Variants in CFAP221 observed in about 807,000 individuals in gnomAD.
CFAP221 encodes the protein cilia- and flagella-associated protein 221.
Under a neutral mutation model 113.1 loss-of-function variants are expected in CFAP221, and 97 were observed. That is an observed-to-expected ratio of 0.86 (90% confidence interval 0.73 to 1.02). CFAP221 has a LOEUF of 1.02. Ranked by LOEUF, CFAP221 falls within the 50% of genes least tolerant of loss-of-function variation. The pLI is 0.00. For missense variants in CFAP221, 1,025 were observed against 1,013.4 expected (o/e 1.01, Z -0.16); for synonymous variants, 331 against 354.4 (o/e 0.93, Z 0.74).
At chr2:119,652,159 T>A in intron 23 of CFAP221, 90 bp downstream of exon 23, 1 of 928,996 alleles carries the variant, frequency 1.1e-6, no homozygotes, top group Non-Finnish European at 1.6e-6. Flanking sequence ...TGTCTGAGTC[T>A]AAATAGCTCA....
intron 3 of CFAP221, 134 bp downstream of exon 3, chr2:119,549,319 T>TCATCTCTC (rs1680265511): frequency 4.4e-6 from 3 of 676,696 alleles, no homozygotes; most frequent in Middle Eastern, 7.8e-4. Flanking sequence ...AGAAAGGTAG[T>TCATCTCTC]TCTATGATGA....
At chr2:119,597,933 C>G (rs1166046194) in intron 7 of CFAP221, among the ~76,000 whole-genome samples, 1 of 152,176 alleles carries the variant, frequency 6.6e-6, no homozygotes, top group South Asian at 2.1e-4. Context: ...AGGGAGTAGC[C>G]TCCAGTCCTT....
At chr2:119,618,751 T>G (rs1278029839) in intron 14 of CFAP221, among the ~76,000 whole-genome samples, 1 of 151,924 alleles carries the variant, frequency 6.6e-6, no homozygotes, top group African/African-American at 2.4e-5. Flanking sequence ...CTCACTCCCC[T>G]GGAAAGGGGA....
chr2:119,554,698 A>G (rs1363312939), intron 3 of CFAP221, among the ~76,000 whole-genome samples: 1 of 152,212 alleles, frequency 6.6e-6, no homozygotes, highest in African/African-American at 2.4e-5. Context: ...TTGAAGCCAC[A>G]GTATAAACAT....
chr2:119,580,420 AGT>A (rs1165582173), intron 6 of CFAP221: 1 of 152,258 alleles, frequency 6.6e-6, no homozygotes, highest in East Asian at 1.9e-4. Context: ...ATGTGCTCAC[AGT>A]ACAGCTACGC....
intron 18 of CFAP221, 27 bp from the exon 19 acceptor site, chr2:119,630,740 T>TA (rs1363698370): frequency 1.2e-6 from 2 of 1,607,976 alleles, no homozygotes; most frequent in African/African-American, 2.7e-5. Flanking sequence ...GCATCAAAAC[T>TA]AACGTGCTGT....
intron 21 of CFAP221, among the ~76,000 whole-genome samples, chr2:119,640,263 G>A (rs538628638): frequency 1.5e-4 from 23 of 150,774 alleles, no homozygotes; most frequent in East Asian, 9.8e-4. Flanking sequence ...TTAGCCTTCC[G>A]CAGTCTCTGT....
chr2:119,562,584 A>T (rs1184250876), intron 6 of CFAP221, among the ~76,000 whole-genome samples: 2 of 152,222 alleles, frequency 1.3e-5, no homozygotes, highest in Admixed American at 1.3e-4. Context: ...ATCAGACCTC[A>T]TATACCCATC....
At chr2:119,632,733 A>T (rs1356134768) in intron 19 of CFAP221, among the ~76,000 whole-genome samples, 1 of 152,002 alleles carries the variant, frequency 6.6e-6, no homozygotes, top group East Asian at 1.9e-4. Flanking sequence ...GTCTATCTAG[A>T]AAATACAATG....
In CFAP221 at chr2:119,544,461, G is replaced by T. The variant is rs928223847; in HGVS notation, c.-97G>T. The T allele has an allele frequency of 6.6e-6, 1 of 151,842 alleles. No individual in the cohort carries two copies. Among genetic ancestry groups the T allele is most frequent in the African/African-American group, 2.4e-5 (1 of 41,400 alleles). 9.4% of individuals were successfully genotyped at this position (151,842 alleles called of 1,614,324 possible). A position where few individuals can be genotyped will look rare whatever the true frequency, so the allele number is the denominator to read the frequency against. ...GCGTCGTCATGGCGACGCTCCGAGC[G>T]GGCGCCGGCGCTGGCGCCGGCCGAA... On this transcript the variant is annotated 5_prime_UTR_variant, in exon 1 of 24. Transcript: ENST00000413369.
intron 7 of CFAP221, among the ~76,000 whole-genome samples, chr2:119,592,582 A>T (rs1683674125): frequency 1.3e-5 from 2 of 152,168 alleles, no homozygotes; most frequent in Non-Finnish European, 2.9e-5. Context: ...TCTGTTCTTT[A>T]TTCCATGTTC....
At chr2:119,611,462 C>T (rs1009084146) in intron 12 of CFAP221, among the ~76,000 whole-genome samples, 191 bp from the exon 13 acceptor site, 11 of 148,486 alleles carry the variant, frequency 7.4e-5, no homozygotes, top group African/African-American at 2.5e-4. Flanking sequence ...ATCTGTGCTT[C>T]GATAAGAGCT....
At chr2:119,558,813 C>T (rs1681011980) in intron 3 of CFAP221, among the ~76,000 whole-genome samples, 1 of 152,040 alleles carries the variant, frequency 6.6e-6, no homozygotes, top group Non-Finnish European at 1.5e-5. Context: ...CACAGAAAGA[C>T]CCTGTCTCAA....
At chr2:119,559,585 A>C (rs1009575414) in intron 3 of CFAP221, 104 bp from the exon 4 acceptor site, 1 of 914,372 alleles carries the variant, frequency 1.1e-6, no homozygotes, top group African/African-American at 1.7e-5. Context: ...TAAATATAGG[A>C]TATCTCCTCA....
At chr2:119,548,288 G>A (rs1299361957) in intron 2 of CFAP221, among the ~76,000 whole-genome samples, 1 of 152,156 alleles carries the variant, frequency 6.6e-6, no homozygotes. Flanking sequence ...CCAGCTGTGG[G>A]CAAGTTTCTT....
At chr2:119,609,977 A>T (rs904564302) in intron 12 of CFAP221, among the ~76,000 whole-genome samples, 3 of 152,260 alleles carry the variant, frequency 2.0e-5, no homozygotes, top group Admixed American at 2.0e-4. Flanking sequence ...TAGGAAAAGC[A>T]CATATTAGAT....
chr2:119,620,766 T>G (rs966968811), intron 14 of CFAP221, among the ~76,000 whole-genome samples: 3 of 151,934 alleles, frequency 2.0e-5, no homozygotes, highest in Admixed American at 1.3e-4. Flanking sequence ...TGTAAACAGG[T>G]TAAGTGCCCC....
chr2:119,609,669 G>A (rs1258473015), intron 12 of CFAP221, among the ~76,000 whole-genome samples: 2 of 152,136 alleles, frequency 1.3e-5, no homozygotes, highest in African/African-American at 4.8e-5. Flanking sequence ...ACCATCACAT[G>A]CTGAGTTCTA....
intron 15 of CFAP221, among the ~76,000 whole-genome samples, chr2:119,626,250 C>T (rs1048184557): frequency 6.6e-6 from 1 of 152,204 alleles, no homozygotes; most frequent in African/African-American, 2.4e-5. Context: ...AATAATCCCC[C>T]ATCACAGAGC....
Sources: allele counts gnomAD v4.1 joint callset (sites outside exome capture counted in the v4.1 genomes callset), GRCh38; gene constraint gnomAD v4.1.1; transcripts MANE v1.5; gene names NCBI Gene and HGNC (gene_info 2026-07-23, HGNC 2026-07-21).